The following ZNF638 variants were observed in gnomAD, a reference collection of about 807,000 sequenced individuals.
The protein encoded by ZNF638 is zinc finger protein 638, also known as CTCL tumor antigen se33-1.
Under a neutral mutation model 195.6 loss-of-function variants are expected in ZNF638, and 46 were observed. The ratio of observed to expected loss-of-function variants is 0.24; its 90% CI spans 0.19 to 0.30. The LOEUF is 0.30. ZNF638 is among the 10% of genes least tolerant of loss of function. The probability of loss-of-function intolerance (pLI) is 1.00; values close to 1 mark genes in which losing one functional copy is unlikely to be tolerated. For missense variants in ZNF638, 2,440 were observed against 2,325.3 expected (o/e 1.05, Z -1.01); for synonymous variants, 845 against 772.0 (o/e 1.09, Z -1.57).
At position 71,426,754 on chromosome 2, in the gene ZNF638, G is replaced by A. The variant is rs759199913; in HGVS notation, c.4885G>A (p.Glu1629Lys). 6 of 1,613,720 alleles carry A rather than the reference G, an allele frequency of 3.7e-6. No homozygotes were observed. The Admixed American group carries it at 6.7e-5, about 18-fold the overall frequency. Residue 1629 changes from glutamate (E) to lysine (K), a missense_variant, in exon 24 of 28, where the codon GAA becomes AAA. Physicochemically the swap from Glu to Lys is moderately conservative, Grantham distance 56 (BLOSUM62 1). Around this residue, in one of 5 missense-constraint regions of ZNF638, gnomAD observed 1,883 missense variants for 1,739.1 expected, o/e 1.08. Transcript: ENST00000264447. ...TGTGGATGAAGTAATTGATGAAGAA[G>A]AACTAAATATGGAAGAAATGGTAAA... ...VTVDEVIDEE[E>K]LNMEEMVKNS...
intron 1 of ZNF638, among the ~76,000 whole-genome samples, chr2:71,336,710 G>C (rs941321472): frequency 6.6e-6 from 1 of 152,118 alleles, no homozygotes; most frequent in African/African-American, 2.4e-5. Context: ...AACATTGTTA[G>C]CAAGCAGTGG....
rs150779996 is a variant in ZNF638, at chr2:71,356,543, A to T, written c.1379+763A>T. On this transcript the variant is annotated intron_variant, in intron 3 of 27. Coordinates refer to ENST00000264447, the MANE Select transcript of ZNF638 (RefSeq NM_014497.5). ...GCTGGCTCATGACTGTAATCTGAGC[A>T]CTTTGGAAGGCTGAGACAGGTAGGC... is the stretch of plus-strand genomic sequence containing the variant. Among the ~76,000 whole-genome samples the T allele has an allele frequency of 4.4e-4, 67 of 152,316 alleles. No individual in the cohort carries two copies. The East Asian group carries it at 9.6e-3, about 22-fold the overall frequency.
intron 21 of ZNF638, among the ~76,000 whole-genome samples, chr2:71,419,971 C>T (rs1191849927): frequency 5.5e-5 from 4 of 72,664 alleles, no homozygotes; most frequent in African/African-American, 9.5e-5. Context: ...CACCCCCCCC[C>T]GCCTTTTTTT....
intron 1 of ZNF638, among the ~76,000 whole-genome samples, chr2:71,336,590 A>G (rs1047877924): frequency 6.6e-6 from 1 of 152,212 alleles, no homozygotes; most frequent in Non-Finnish European, 1.5e-5. Flanking sequence ...CACCTGTTGC[A>G]TGTCAGGATT....
chr2:71,406,122 C>T lies in ZNF638; in HGVS notation c.3001-6C>T, dbSNP rs375030450. 2.9e-4 allele frequency: 467 copies of T among 1,612,790 alleles called. 6 individuals carry two copies. The South Asian group carries it at 4.7e-3, about 16-fold the overall frequency. On this transcript the variant is annotated splice_region_variant and splice_polypyrimidine_tract_variant and intron_variant, in intron 18 of 27. Coordinates refer to ENST00000264447, the MANE Select transcript of ZNF638 (RefSeq NM_014497.5). ...TTTTTCTGTGCTGTCTCTTAAAAAA[C>T]TACAGGCAAACATAGATACAATTTA...
At position 71,396,286 on chromosome 2, in the gene ZNF638, T is replaced by G. The variant is rs2079892510; in HGVS notation, c.2428+95T>G. ...TAGTAGTCTTGGATTTCACATGACA[T>G]AGTCTGTATTGAATGCATGCTAATC... On this transcript the variant is annotated intron_variant, in intron 11 of 27. Transcript: ENST00000264447. 1.1e-5 allele frequency: 11 copies of G among 975,288 alleles called. No individual in the cohort carries two copies. The South Asian group carries it at 1.6e-4, about 15-fold the overall frequency. The allele number at this position is 975,288 out of a possible 1,614,324, so 60.4% of individuals were successfully genotyped here. A position where few individuals can be genotyped will look rare whatever the true frequency, so the allele number is the denominator to read the frequency against.
chr2:71,348,948 A>G lies in ZNF638; in HGVS notation c.-7A>G, dbSNP rs2104172155. Reference sequence around the variant, plus strand: ...CTTTATTAAATCAGGCTTTCTTGAAAATAGCCATGTCGAGACCCAGGTTTA... The same window carrying G: ...CTTTATTAAATCAGGCTTTCTTGAAGATAGCCATGTCGAGACCCAGGTTTA... On this transcript the variant is annotated 5_prime_UTR_variant, in exon 2 of 28. Coordinates refer to ENST00000264447, the MANE Select transcript of ZNF638 (RefSeq NM_014497.5). 1 of 1,614,168 alleles carries G rather than the reference A, an allele frequency of 6.2e-7. No homozygotes were observed. Among genetic ancestry groups the G allele is most frequent in the East Asian group, 2.2e-5 (1 of 44,890 alleles).
chr2:71,400,399 T>A, intron 14 of ZNF638, 79 bp from the exon 15 acceptor site: 1 of 1,369,382 alleles, frequency 7.3e-7, no homozygotes, highest in Non-Finnish European at 1.0e-6. Flanking sequence ...TTCATGTAGC[T>A]ACTGTTTAAC....
At chr2:71,391,706 T>C (rs898177630) in intron 10 of ZNF638, among the ~76,000 whole-genome samples, 2 of 152,196 alleles carry the variant, frequency 1.3e-5, no homozygotes, top group African/African-American at 2.4e-5. Context: ...TATCAAAAAT[T>C]ACTGGGTGAT....
intron 25 of ZNF638, chr2:71,428,982 A>T (rs2080598705): frequency 5.0e-6 from 1 of 201,364 alleles, no homozygotes; most frequent in African/African-American, 2.3e-5. Context: ...CCAATGAATT[A>T]AACAAGAAGC....
intron 10 of ZNF638, among the ~76,000 whole-genome samples, chr2:71,384,581 G>T (rs546070969): frequency 2.0e-5 from 3 of 152,166 alleles, no homozygotes; most frequent in Non-Finnish European, 4.4e-5. Flanking sequence ...CGCAGGCAAG[G>T]TACTGAAGAT....
chr2:71,335,651 A>G (rs1222195423), intron 1 of ZNF638, among the ~76,000 whole-genome samples: 1 of 152,224 alleles, frequency 6.6e-6, no homozygotes, highest in Non-Finnish European at 1.5e-5. Flanking sequence ...TTATCTAGCT[A>G]ATGGTCAGTC....
intron 4 of ZNF638, 94 bp downstream of exon 4, chr2:71,363,285 C>A: frequency 1.0e-6 from 1 of 984,688 alleles, no homozygotes; most frequent in Non-Finnish European, 1.5e-6. Flanking sequence ...AGTTCTACTT[C>A]TGCCATTTAA....
intron 4 of ZNF638, among the ~76,000 whole-genome samples, chr2:71,363,428 T>A (rs2079141860): frequency 8.2e-6 from 1 of 122,164 alleles, no homozygotes. Context: ...ATTTTATGTT[T>A]ATGACATCTT....
intron 8 of ZNF638, among the ~76,000 whole-genome samples, chr2:71,370,376 T>G (rs2079287551): frequency 6.6e-6 from 1 of 152,220 alleles, no homozygotes; most frequent in Non-Finnish European, 1.5e-5. Flanking sequence ...TGATTTCTAA[T>G]GCCATAGTTG....
chr2:71,340,064 C>T (rs2078738573), intron 1 of ZNF638, among the ~76,000 whole-genome samples: 1 of 152,138 alleles, frequency 6.6e-6, no homozygotes, highest in African/African-American at 2.4e-5. Flanking sequence ...ATGCCTGGTT[C>T]TCATGGAGAT....
chr2:71,336,607 T>C (rs779107206), intron 1 of ZNF638, among the ~76,000 whole-genome samples: 3 of 152,198 alleles, frequency 2.0e-5, no homozygotes, highest in Non-Finnish European at 2.9e-5. Flanking sequence ...GATTTACAAT[T>C]TTAGTTAATC....
chr2:71,396,289 T>C, intron 11 of ZNF638, 98 bp downstream of exon 11: 1 of 963,782 alleles, frequency 1.0e-6, no homozygotes. Flanking sequence ...CATGACATAG[T>C]CTGTATTGAA....
At chr2:71,434,677 TAA>T in intron 27 of ZNF638, 63 bp from the exon 28 acceptor site, 2 of 1,343,646 alleles carry the variant, frequency 1.5e-6, no homozygotes, top group Non-Finnish European at 1.0e-6. Flanking sequence ...ATACAGTAGA[TAA>T]GTTTGCACAC....
Sources: gnomAD v4.1 joint callset for allele counts (sites outside exome capture counted in the v4.1 genomes callset) on GRCh38, gnomAD v4.1.1 for gene constraint, gnomAD v4.1.1 regional missense constraint, MANE v1.5 for transcripts, NCBI Gene and HGNC (gene_info 2026-07-23, HGNC 2026-07-21) for gene names.